The following RIPOR2 variants were observed in gnomAD, a reference collection of about 807,000 sequenced individuals.
The protein encoded by RIPOR2 is rho family-interacting cell polarization regulator 2.
Under a neutral mutation model 114.5 loss-of-function variants are expected in RIPOR2, and 39 were observed. The ratio of observed to expected loss-of-function variants is 0.34; its 90% CI spans 0.26 to 0.44. The LOEUF (loss-of-function observed/expected upper bound fraction) is 0.44, where lower values mean the gene tolerates loss of function less well. RIPOR2 is among the 20% of genes least tolerant of loss of function. The pLI is 1.00. For missense variants in RIPOR2, 1,007 were observed against 1,255.1 expected (o/e 0.80, Z 2.99); for synonymous variants, 445 against 484.4 (o/e 0.92, Z 1.07).
In RIPOR2 at chr6:25,023,786, GTCAC is replaced by G. The variant is rs936520846; in HGVS notation, c.76+18061_76+18064del. The G allele has an allele frequency of 1.7e-5, 13 of 785,688 alleles. No individual in the cohort carries two copies. The African/African-American group carries it at 2.0e-4, about 12-fold the overall frequency. The allele number at this position is 785,688 out of a possible 1,614,324, so 48.7% of individuals were successfully genotyped here. On this transcript the variant is annotated intron_variant, in intron 1 of 13. Transcript: ENST00000510784. ...GTGGGTGGAGCCATCGTTGACGTTG[GTCAC>G]CTTCACGGGGACCCCTTTTTTAACT...
At chr6:25,019,812 G>GAAAAAGA (rs986446294) in intron 1 of RIPOR2, among the ~76,000 whole-genome samples, 1 of 128,204 alleles carries the variant, frequency 7.8e-6, no homozygotes, top group Non-Finnish European at 1.7e-5. Flanking sequence ...AAGAAAGAAA[G>GAAAAAGA]AAAAAGAAAA....
intron 1 of RIPOR2, among the ~76,000 whole-genome samples, chr6:24,978,398 A>T (rs1774162942): frequency 6.6e-6 from 1 of 152,164 alleles, no homozygotes; most frequent in Non-Finnish European, 1.5e-5. Context: ...TCGCATGAGT[A>T]TATAAATATA....
intron 1 of RIPOR2, chr6:25,030,981 G>C (rs988038896): frequency 6.6e-6 from 1 of 151,130 alleles, no homozygotes; most frequent in Admixed American, 6.6e-5. Flanking sequence ...ACAGATGTGA[G>C]CCACTGCACC....
At chr6:24,941,189 A>G (rs1772114887) in intron 1 of RIPOR2, among the ~76,000 whole-genome samples, 1 of 152,116 alleles carries the variant, frequency 6.6e-6, no homozygotes, top group African/African-American at 2.4e-5. Context: ...GTTTCCTTCA[A>G]TGGGACTAAA....
chr6:24,940,855 T>C (rs961447772), upstream of RIPOR2, among the ~76,000 whole-genome samples: 3 of 152,178 alleles, frequency 2.0e-5, no homozygotes, highest in African/African-American at 2.4e-5. Context: ...GGTTTCACCA[T>C]GTTGGTCAGG....
rs558677626 is a variant in RIPOR2 at position 24,846,092 on chromosome 6, G to A, written c.1164+1933C>T. Among the ~76,000 whole-genome samples the A allele has an allele frequency of 4.6e-5, 7 of 152,190 alleles. No individual in the cohort carries two copies. The South Asian group carries it at 1.2e-3, about 27-fold the overall frequency. On this transcript the variant is annotated intron_variant, in intron 12 of 21. Transcript: ENST00000643898. ...ACCTTGTTCTTATTTAAATTATGAC[G>A]TGAAACCTCTACCAACTCTCGCCCA...
intron 18 of RIPOR2, among the ~76,000 whole-genome samples, chr6:24,826,584 C>T (rs1316421782): frequency 6.6e-6 from 1 of 151,754 alleles, no homozygotes; most frequent in African/African-American, 2.4e-5. Flanking sequence ...AGTAAAAAGC[C>T]TGAAAGGAAG....
Position 24,867,048 on chromosome 6 carries a change from C to A in RIPOR2, c.502-1598G>T, listed in dbSNP as rs73398457. The stretch of plus-strand genomic sequence containing the variant: ...GCATTCTCTACACAGATATCAATGA[C>A]ACTTAGTTTAGAATGCAAACATGAA... On this transcript the variant is annotated intron_variant, in intron 6 of 21. Coordinates refer to ENST00000643898, the MANE Select transcript of RIPOR2 (RefSeq NM_001286445.3). Among the ~76,000 whole-genome samples the A allele has an allele frequency of 7.8e-3, 1,184 of 152,274 alleles. 12 individuals are homozygous for A. Among genetic ancestry groups the A allele is most frequent in the African/African-American group, 0.027 (1,117 of 41,556 alleles).
intron 9 of RIPOR2, among the ~76,000 whole-genome samples, chr6:24,852,250 A>T (rs1581599694): frequency 6.6e-6 from 1 of 152,134 alleles, no homozygotes; most frequent in African/African-American, 2.4e-5. Flanking sequence ...CAACAGAGCG[A>T]GACTCCATCT....
At chr6:24,929,996 GC>G (rs1256870610) in intron 1 of RIPOR2, among the ~76,000 whole-genome samples, 1 of 152,156 alleles carries the variant, frequency 6.6e-6, no homozygotes, top group Non-Finnish European at 1.5e-5. Context: ...GATCCCTTGA[GC>G]CCAGGAAGTT....
At chr6:24,840,510 G>T in intron 13 of RIPOR2, 2 of 1,410,118 alleles carry the variant, frequency 1.4e-6, no homozygotes, top group South Asian at 3.0e-5. Context: ...TATTCAAGAG[G>T]ATGCTGGGGT....
intron 1 of RIPOR2, among the ~76,000 whole-genome samples, chr6:24,985,537 C>T (rs1266980240): frequency 2.0e-5 from 3 of 152,142 alleles, no homozygotes; most frequent in Non-Finnish European, 4.4e-5. Flanking sequence ...CAGTCAGTTA[C>T]CCAGGACATC....
At chr6:25,002,019 CT>C in intron 1 of RIPOR2, among the ~76,000 whole-genome samples, 1 of 152,228 alleles carries the variant, frequency 6.6e-6, no homozygotes, top group Non-Finnish European at 1.5e-5. Context: ...GTGGGCCTTA[CT>C]TTCTCTGATG....
At chr6:25,034,490 C>T (rs551776768) in intron 1 of RIPOR2, among the ~76,000 whole-genome samples, 3 of 152,228 alleles carry the variant, frequency 2.0e-5, no homozygotes, top group Admixed American at 2.0e-4. Context: ...CTCCTTACCC[C>T]CAACTTGATA....
chr6:25,016,781 A>G (rs2113697058), intron 1 of RIPOR2, among the ~76,000 whole-genome samples: 1 of 152,316 alleles, frequency 6.6e-6, no homozygotes, highest in African/African-American at 2.4e-5. Flanking sequence ...CTGCTTTTCT[A>G]TCTCATAATT....
At chr6:24,863,844 T>G (rs563791454) in intron 7 of RIPOR2, among the ~76,000 whole-genome samples, 9 of 152,372 alleles carry the variant, frequency 5.9e-5, no homozygotes, top group African/African-American at 2.2e-4. Flanking sequence ...GAGCCACTAC[T>G]AGATCTTATA....
rs1206480275 is a variant in RIPOR2 at position 24,873,795 on chromosome 6, T to A, written c.193A>T (p.Asn65Tyr). 1.2e-6 allele frequency: 2 copies of A among 1,608,370 alleles called. No homozygotes were observed. The highest frequency in any genetic ancestry group is 1.7e-6 in the Non-Finnish European group (2 of 1,178,368). The change falls in exon 3 of 22, where the codon AAC becomes TAC. Residue 65 changes from asparagine to tyrosine, a missense_variant. Physicochemically the swap from Asn to Tyr is moderately radical, Grantham distance 143. Transcript: ENST00000643898. ...GCGGAGGAATTTTCAATGAAGGAGT[T>A]ACACCTATGGAAAGAACAGAAGAAA... Reference protein sequence around the residue: ...SGLQERRSRCNSFIENSSALK... With the variant: ...SGLQERRSRCYSFIENSSALK...
At chr6:25,042,040 C>T (rs1005541168), upstream of RIPOR2, 22 of 495,562 alleles carry the variant, frequency 4.4e-5, no homozygotes, top group East Asian at 3.9e-4. Flanking sequence ...CTTAACCCCC[C>T]CCTTTTTGTT....
Position 24,842,993 on chromosome 6 carries a change from T to G in RIPOR2, c.1726A>C (p.Arg576=), listed in dbSNP as rs769663089. The change falls in exon 13 of 22, where the codon AGA becomes CGA. Residue 576 remains arginine, a synonymous_variant. Transcript: ENST00000643898. The part of the protein sequence containing the change: ...GSVGGESEGC[R]SFLDGSLEDA... ...TCTAAGCTTCCATCTAGAAAGGATC[T>G]GCAGCCTTCAGATTCTCCACCAACA... 1 of 1,585,942 alleles carries G rather than the reference T, an allele frequency of 6.3e-7. No individual in the cohort carries two copies. Among genetic ancestry groups the G allele is most frequent in the Non-Finnish European group, 8.6e-7 (1 of 1,165,220 alleles).
Sources: gnomAD v4.1 joint callset for allele counts (sites outside exome capture counted in the v4.1 genomes callset) on GRCh38, gnomAD v4.1.1 for gene constraint, MANE v1.5 for transcripts, NCBI Gene and HGNC (gene_info 2026-07-23, HGNC 2026-07-21) for gene names.